NDUFA5: variants seen among roughly 807,000 people sequenced by gnomAD.
NDUFA5 encodes the protein NADH:ubiquinone oxidoreductase subunit A5.
A neutral mutation model predicts 19.8 loss-of-function variants in NDUFA5; 11 were observed. The observed-to-expected ratio is 0.56, with a 90% CI of 0.35 to 0.92. The LOEUF (loss-of-function observed/expected upper bound fraction) is 0.92, where lower values mean the gene tolerates loss of function less well. Ranked by LOEUF, NDUFA5 falls within the 40% of genes least tolerant of loss-of-function variation. The pLI is 0.01. For missense variants in NDUFA5, 109 were observed against 134.2 expected (o/e 0.81, Z 0.93); for synonymous variants, 47 against 46.8 (o/e 1.00, Z -0.01).
At chr7:123,544,764 TAAAAAAAA>T (rs61556029) in intron 4 of NDUFA5, among the ~76,000 whole-genome samples, 9 of 61,820 alleles carry the variant, frequency 1.5e-4, no homozygotes, top group African/African-American at 4.3e-4. Flanking sequence ...ATGCAAATCT[TAAAAAAAA>T]AAAAAAAAAA....
chr7:123,587,604 G>T, the NDUFA5 span, among the ~76,000 whole-genome samples: 6 of 151,530 alleles, frequency 4.0e-5, no homozygotes, highest in Admixed American at 2.0e-4. Flanking sequence ...ACGAGAGAAG[G>T]CTTCCTTGTC....
chr7:123,598,481 T>G, the NDUFA5 span, among the ~76,000 whole-genome samples: 1 of 152,138 alleles, frequency 6.6e-6, no homozygotes, highest in African/African-American at 2.4e-5. Context: ...ATAGTGAAAA[T>G]TAAGTACTTT....
rs1430685311 is a variant in NDUFA5, at chr7:123,539,990, G to A, written c.*2129C>T. ...ATCAGTTCTAGAACCAGACTGCCTG[G>A]GTTCAAACTTCAGCTTCACATCTTA... On this transcript the variant is annotated 3_prime_UTR_variant, in exon 5 of 5. Transcript: ENST00000355749. The A allele has an allele frequency of 6.6e-6, 1 of 152,084 alleles. No homozygotes were observed. Among genetic ancestry groups the A allele is most frequent in the Non-Finnish European group, 1.5e-5 (1 of 68,014 alleles). 9.4% of individuals were successfully genotyped at this position (152,084 alleles called of 1,614,324 possible). A position where few individuals can be genotyped will look rare whatever the true frequency, so the allele number is the denominator to read the frequency against.
the NDUFA5 span, among the ~76,000 whole-genome samples, chr7:123,591,687 T>A: frequency 6.6e-6 from 1 of 152,192 alleles, no homozygotes; most frequent in South Asian, 2.1e-4. Flanking sequence ...GACGTGTTGC[T>A]GGATTCGGTT....
At chr7:123,561,601 A>G (rs528608440), upstream of NDUFA5, among the ~76,000 whole-genome samples, 4 of 122,868 alleles carry the variant, frequency 3.3e-5, no homozygotes, top group South Asian at 1.1e-3. Flanking sequence ...TCCTTGCATG[A>G]ATCACCAATT....
chr7:123,595,477 T>A, the NDUFA5 span, among the ~76,000 whole-genome samples: 1 of 152,242 alleles, frequency 6.6e-6, no homozygotes. Flanking sequence ...AGACTATCCT[T>A]TCTGAAGGAA....
At chr7:123,542,894 TTTTA>T (rs1376023051) in intron 4 of NDUFA5, among the ~76,000 whole-genome samples, 10 of 152,230 alleles carry the variant, frequency 6.6e-5, no homozygotes, top group Middle Eastern at 3.2e-3. Flanking sequence ...TTAGGTAGCT[TTTTA>T]TTTCATATTT....
At chr7:123,578,942 A>G in the NDUFA5 span, among the ~76,000 whole-genome samples, 1 of 152,038 alleles carries the variant, frequency 6.6e-6, no homozygotes, top group Admixed American at 6.6e-5. Context: ...GGTGGTACAT[A>G]TGCAGGTTTG....
At chr7:123,557,008 C>T (rs1456528568) in intron 2 of NDUFA5, 2 of 471,598 alleles carry the variant, frequency 4.2e-6, no homozygotes, top group South Asian at 3.2e-5. Flanking sequence ...ATGGAAAAGA[C>T]CTAACAGAAG....
chr7:123,596,703 A>G, the NDUFA5 span, among the ~76,000 whole-genome samples: 68 of 152,348 alleles, frequency 4.5e-4, no homozygotes, highest in African/African-American at 1.6e-3. Flanking sequence ...TTAAATTTAT[A>G]TAATTTCTTC....
intron 2 of NDUFA5, among the ~76,000 whole-genome samples, chr7:123,553,756 T>C (rs530132330): frequency 6.6e-6 from 1 of 152,272 alleles, no homozygotes; most frequent in East Asian, 1.9e-4. Flanking sequence ...TCATCCCTCA[T>C]CTGTAAGATG....
the NDUFA5 span, among the ~76,000 whole-genome samples, chr7:123,580,819 T>C: frequency 6.6e-6 from 1 of 151,902 alleles, no homozygotes; most frequent in African/African-American, 2.4e-5. Context: ...AAAATCTAAA[T>C]AAACATAGCC....
At chr7:123,591,248 C>T in the NDUFA5 span, among the ~76,000 whole-genome samples, 3 of 152,016 alleles carry the variant, frequency 2.0e-5, no homozygotes, top group Non-Finnish European at 2.9e-5. Flanking sequence ...TCTGCAAATA[C>T]AGACAATTTG....
upstream of NDUFA5, among the ~76,000 whole-genome samples, chr7:123,559,793 T>G (rs991953212): frequency 2.0e-5 from 3 of 149,966 alleles, no homozygotes; most frequent in Admixed American, 6.7e-5. Context: ...GAGGCAGAGG[T>G]TGCAGTGAGC....
the NDUFA5 span, among the ~76,000 whole-genome samples, chr7:123,563,582 G>A: frequency 6.6e-6 from 1 of 152,176 alleles, no homozygotes; most frequent in Non-Finnish European, 1.5e-5. Flanking sequence ...TTACCAAAAC[G>A]TGACACAGAA....
At chr7:123,590,822 C>T in the NDUFA5 span, among the ~76,000 whole-genome samples, 1 of 152,068 alleles carries the variant, frequency 6.6e-6, no homozygotes, top group Admixed American at 6.6e-5. Context: ...GTAGTTTTTT[C>T]CAATTCTGTG....
chr7:123,600,125 G>T, the NDUFA5 span, among the ~76,000 whole-genome samples: 1 of 152,108 alleles, frequency 6.6e-6, no homozygotes, highest in East Asian at 1.9e-4. Context: ...CATGGTCATT[G>T]TATCATCATC....
At chr7:123,584,937 G>T in the NDUFA5 span, 3 of 151,802 alleles carry the variant, frequency 2.0e-5, no homozygotes, top group Non-Finnish European at 2.9e-5. Context: ...TCTTCCCAAA[G>T]GGATCTTTTC....
chr7:123,580,381 A>G, the NDUFA5 span, among the ~76,000 whole-genome samples: 1 of 152,014 alleles, frequency 6.6e-6, no homozygotes, highest in Admixed American at 6.6e-5. Flanking sequence ...AGTCATCACA[A>G]TCAAACTTGC....
Sources: gnomAD v4.1 joint callset for allele counts (sites outside exome capture counted in the v4.1 genomes callset) on GRCh38, gnomAD v4.1.1 for gene constraint, MANE v1.5 for transcripts, NCBI Gene and HGNC (gene_info 2026-07-23, HGNC 2026-07-21) for gene names.